NR4A3: variants seen among roughly 807,000 people sequenced by gnomAD.
NR4A3 encodes the protein nuclear receptor subfamily 4 group A member 3, also known as chondrosarcoma, extraskeletal myxoid, fused to EWS.
A neutral mutation model predicts 55.6 loss-of-function variants in NR4A3; 13 were observed. The observed-to-expected ratio is 0.23, with a 90% CI of 0.15 to 0.37. The LOEUF is 0.37. Among genes scored for constraint, NR4A3 ranks in the 10% least tolerant of loss-of-function variants. The pLI, the probability that NR4A3 is intolerant of heterozygous loss-of-function variation, is 1.00. For missense variants in NR4A3, 646 were observed against 822.8 expected (o/e 0.79, Z 2.63); for synonymous variants, 342 against 357.9 (o/e 0.96, Z 0.50).
chr9:99,849,453 G>C (rs892573681), intron 7 of NR4A3, among the ~76,000 whole-genome samples: 2 of 152,038 alleles, frequency 1.3e-5, no homozygotes, highest in Non-Finnish European at 2.9e-5. Flanking sequence ...CATTTGGAAG[G>C]CTTTCAAATG....
chr9:99,828,836 C>G lies in NR4A3; in HGVS notation c.794C>G (p.Pro265Arg). Residue 265 changes from proline to arginine, a missense_variant, in exon 3 of 8, where the codon CCT (proline) becomes CGT (arginine). Physicochemically the swap from Pro to Arg is moderately radical, Grantham distance 103 (BLOSUM62 -2). Coordinates refer to ENST00000395097, the MANE Select transcript of NR4A3 (RefSeq NM_006981.4). The surrounding 1 kb of genome is among the most constrained non-coding windows in gnomAD (Gnocchi z 7.7). Reference protein sequence around the residue: ...AFPPLGLTPSPTASSLLGESP... With the variant: ...AFPPLGLTPSRTASSLLGESP... ...CCGCCTCTCGGCCTCACGCCCTCCC[C>G]TACCGCGTCCAGCCTGCTGGGCGAG... is the stretch of plus-strand genomic sequence containing the variant. 6.7e-7 allele frequency: 1 copy of G among 1,492,790 alleles called. No individual in the cohort carries two copies. Among genetic ancestry groups the G allele is most frequent in the South Asian group, 1.2e-5 (1 of 80,572 alleles). 92.5% of individuals were successfully genotyped at this position (1,492,790 alleles called of 1,614,324 possible). A position where few individuals can be genotyped will look rare whatever the true frequency, so the allele number is the denominator to read the frequency against.
intron 5 of NR4A3, among the ~76,000 whole-genome samples, chr9:99,843,681 A>AT (rs58875910): frequency 3.3e-5 from 5 of 150,024 alleles, no homozygotes; most frequent in Non-Finnish European, 7.4e-5. Context: ...TACAAAAAAA[A>AT]TTTTTTTTTG....
intron 3 of NR4A3, among the ~76,000 whole-genome samples, chr9:99,829,409 G>A (rs1235763168): frequency 6.6e-6 from 1 of 152,178 alleles, no homozygotes; most frequent in Non-Finnish European, 1.5e-5. Context: ...TAAGAGCTGG[G>A]GCTCTAGAGT....
At chr9:99,841,377 G>T (rs918297493) in intron 5 of NR4A3, among the ~76,000 whole-genome samples, 1 of 152,154 alleles carries the variant, frequency 6.6e-6, no homozygotes. Context: ...CATTGTGTAG[G>T]ATTGTTGGGA....
rs376617366 is a variant in NR4A3, at chr9:99,828,114, G to C, written c.72G>C (p.Ser24=). 9.9e-6 allele frequency: 16 copies of C among 1,613,866 alleles called. No individual in the cohort carries two copies. Among genetic ancestry groups the C allele is most frequent in the Admixed American group, 1.7e-5 (1 of 59,986 alleles). ...GTTATGCGGCGCAGACATACAGCTCGGAATACACCACGGAGATCATGAACC... is the reference window on the plus strand; with the variant it reads ...GTTATGCGGCGCAGACATACAGCTCCGAATACACCACGGAGATCATGAACC... ...GSSYAAQTYS[S]EYTTEIMNPD... Residue 24 remains serine, a synonymous_variant, in exon 3 of 8, where the codon TCG becomes TCC. Transcript: ENST00000395097. This position sits in a 1 kb window ranked among gnomAD's most constrained non-coding sequence, Gnocchi z 7.7.
chr9:99,863,600 C>G lies in NR4A3; in HGVS notation c.1634-20C>G, dbSNP rs2118186703. On this transcript the variant is annotated intron_variant, in intron 7 of 7. Coordinates refer to ENST00000395097, the MANE Select transcript of NR4A3 (RefSeq NM_006981.4). ...TGTATTTGCCTCCTAAACTTCTTGCCCTTCTCTATCCCTCTGCAGAAAGAC... is the reference window on the plus strand; with the variant it reads ...TGTATTTGCCTCCTAAACTTCTTGCGCTTCTCTATCCCTCTGCAGAAAGAC... The G allele has an allele frequency of 6.2e-7, 1 of 1,604,842 alleles. No homozygotes were observed. The highest frequency in any genetic ancestry group is 2.2e-5 in the East Asian group (1 of 44,790).
At chr9:99,843,636 T>C (rs572549686) in intron 5 of NR4A3, among the ~76,000 whole-genome samples, 43 of 151,990 alleles carry the variant, frequency 2.8e-4, no homozygotes, top group Non-Finnish European at 4.9e-4. Context: ...CTGAGCAACA[T>C]AGCGATACCC....
chr9:99,823,775 C>T (rs1587869227), intron 1 of NR4A3, among the ~76,000 whole-genome samples: 3 of 151,504 alleles, frequency 2.0e-5, no homozygotes, highest in Admixed American at 2.0e-4. Context: ...TGCCTGGGAC[C>T]GTGCGCTCAC....
intron 5 of NR4A3, among the ~76,000 whole-genome samples, chr9:99,842,882 T>G (rs558992036): frequency 3.9e-5 from 6 of 152,322 alleles, no homozygotes; most frequent in African/African-American, 1.4e-4. Flanking sequence ...TGAGCCTCAG[T>G]TTTTTCACCT....
chr9:99,851,417 T>C (rs1827847206), intron 7 of NR4A3, among the ~76,000 whole-genome samples: 1 of 152,192 alleles, frequency 6.6e-6, no homozygotes, highest in African/African-American at 2.4e-5. Flanking sequence ...CCCAAAACTG[T>C]CTTTTCTTAA....
In NR4A3 at chr9:99,832,825, A is replaced by T. The variant is rs758495960; in HGVS notation, c.1081+7A>T. 3.9e-6 allele frequency: 6 copies of T among 1,538,294 alleles called. No homozygotes were observed. The highest frequency in any genetic ancestry group is 5.3e-6 in the Non-Finnish European group (6 of 1,133,806). On this transcript the variant is annotated splice_region_variant and intron_variant, in intron 4 of 7. Transcript: ENST00000395097. The stretch of plus-strand genomic sequence containing the variant: ...GTTGGAATGGTAAAAGAAGGTATGG[A>T]TATAATGCTTTTTACCCAGTTTGCT...
At position 99,828,977 on chromosome 9, in the gene NR4A3, G is replaced by A; in HGVS notation, c.935G>A (p.Cys312Tyr). 7.2e-7 allele frequency: 1 copy of A among 1,382,294 alleles called. No homozygotes were observed. The highest frequency in any genetic ancestry group is 9.4e-7 in the Non-Finnish European group (1 of 1,066,276). The allele number at this position is 1,382,294 out of a possible 1,614,324, so 85.6% of individuals were successfully genotyped here. Residue 312 changes from cysteine to tyrosine, a missense_variant, in exon 3 of 8, where the codon TGC becomes TAC. Physicochemically the swap from Cys to Tyr is radical, Grantham distance 194 (BLOSUM62 -2). Around this residue, in one of 5 missense-constraint regions of NR4A3, gnomAD observed 44 missense variants for 119.3 expected, o/e 0.37. Coordinates refer to ENST00000395097, the MANE Select transcript of NR4A3 (RefSeq NM_006981.4). This position sits in a 1 kb window ranked among gnomAD's most constrained non-coding sequence, Gnocchi z 7.7. ...TACGGCGTGCGAACCTGCGAGGGCT[G>A]CAAGGGCTTTTTCAAGGTGAGCGCA... ...QHYGVRTCEG[C>Y]KGFFKRTVQK...
At chr9:99,842,997 G>A (rs898166486) in intron 5 of NR4A3, among the ~76,000 whole-genome samples, 1 of 152,204 alleles carries the variant, frequency 6.6e-6, no homozygotes, top group South Asian at 2.1e-4. Context: ...GCCTATTTAC[G>A]TGTTTCTGTG....
At chr9:99,862,988 AAAC>A (rs1828034360) in intron 7 of NR4A3, among the ~76,000 whole-genome samples, 2 of 152,140 alleles carry the variant, frequency 1.3e-5, no homozygotes, top group Non-Finnish European at 2.9e-5. Context: ...GGGGGGAACA[AAAC>A]AAGGAAAAGA....
Position 99,865,471 on chromosome 9 carries a change from T to A in NR4A3, c.*1604T>A, listed in dbSNP as rs1828080677. ...CACTTTGATATTAAAATTTTGCTTA[T>A]GTTTTGCTAAATTCGAATAATGTTT... On this transcript the variant is annotated 3_prime_UTR_variant, in exon 8 of 8. Transcript: ENST00000395097. The surrounding 1 kb of genome is among the most constrained non-coding windows in gnomAD (Gnocchi z 4.3). The A allele has an allele frequency of 5.5e-6, 1 of 183,456 alleles. No individual in the cohort carries two copies. Among genetic ancestry groups the A allele is most frequent in the Non-Finnish European group, 1.2e-5 (1 of 86,066 alleles). 11.4% of individuals were successfully genotyped at this position (183,456 alleles called of 1,614,324 possible).
In NR4A3 at chr9:99,866,048, T is replaced by G; in HGVS notation, c.*2181T>G. 4.7e-6 allele frequency: 1 copy of G among 214,650 alleles called. No homozygotes were observed. The highest frequency in any genetic ancestry group is 9.4e-6 in the Non-Finnish European group (1 of 106,130). 13.3% of individuals were successfully genotyped at this position (214,650 alleles called of 1,614,324 possible). ...ACTCTTTTTTTTTCTCAACTTCATC[T>G]ATATAAAATCAGGCTTTTAAACATA... On this transcript the variant is annotated 3_prime_UTR_variant, in exon 8 of 8. Transcript: ENST00000395097.
At position 99,828,689 on chromosome 9, in the gene NR4A3, C is replaced by T. The variant is rs1827370304; in HGVS notation, c.647C>T (p.Thr216Met). The T allele has an allele frequency of 1.5e-6, 2 of 1,339,760 alleles. No individual in the cohort carries two copies. Among genetic ancestry groups the T allele is most frequent in the Non-Finnish European group, 9.5e-7 (1 of 1,053,386 alleles). The allele number at this position is 1,339,760 out of a possible 1,614,324, so 83.0% of individuals were successfully genotyped here. A position where few individuals can be genotyped will look rare whatever the true frequency, so the allele number is the denominator to read the frequency against. ...GGCCACCACCTCGGCTACGACCCGA[C>T]GGCCGCTGCCGCGCTCAGCCTGCCG... is the stretch of plus-strand genomic sequence containing the variant. ...AGGHHLGYDP[T>M]AAAALSLPLG... The change falls in exon 3 of 8, where the codon ACG becomes ATG. Residue 216 changes from threonine (T) to methionine (M), a missense_variant. Thr to Met is a moderately conservative substitution (Grantham distance 81). Transcript: ENST00000395097. The surrounding 1 kb of genome is among the most constrained non-coding windows in gnomAD (Gnocchi z 7.7).
At chr9:99,833,783 G>C in intron 5 of NR4A3, 1 of 1,340,474 alleles carries the variant, frequency 7.5e-7, no homozygotes, top group South Asian at 1.5e-5. Context: ...TCTAGACAAA[G>C]TGACTACTGT....
intron 5 of NR4A3, among the ~76,000 whole-genome samples, chr9:99,841,292 A>G (rs1827646963): frequency 6.6e-6 from 1 of 151,162 alleles, no homozygotes; most frequent in Non-Finnish European, 1.5e-5. Flanking sequence ...TCGTGCCGCC[A>G]TGCTTCCTTC....
Sources: gnomAD v4.1 joint callset for allele counts (sites outside exome capture counted in the v4.1 genomes callset) on GRCh38, gnomAD v4.1.1 for gene constraint, gnomAD v4.1.1 regional missense constraint, Gnocchi (gnomAD v3.1) non-coding constraint, MANE v1.5 for transcripts, NCBI Gene and HGNC (gene_info 2026-07-23, HGNC 2026-07-21) for gene names.